CCDC88C: variants seen among roughly 807,000 people sequenced by gnomAD.
CCDC88C encodes the protein protein Daple.
A neutral mutation model predicts 198.8 loss-of-function variants in CCDC88C; 131 were observed. The observed-to-expected ratio is 0.66, with a 90% CI of 0.57 to 0.76. The LOEUF is 0.76. Among genes scored for constraint, CCDC88C ranks in the 30% least tolerant of loss-of-function variants. CCDC88C has a pLI of 0.00. For missense variants in CCDC88C, 2,553 were observed against 2,631.6 expected (o/e 0.97, Z 0.65); for synonymous variants, 1,166 against 1,114.7 (o/e 1.05, Z -0.92).
Position 91,313,821 on chromosome 14 carries a change from C to T in CCDC88C, c.1995G>A (p.Glu665=), listed in dbSNP as rs1032319323. 19 of 1,604,208 alleles carry T rather than the reference C, an allele frequency of 1.2e-5. No homozygotes were observed. The highest frequency in any genetic ancestry group is 1.6e-5 in the Non-Finnish European group (19 of 1,177,526). Residue 665 remains glutamate, a synonymous_variant, in exon 15 of 30, where the codon GAG becomes GAA. Transcript: ENST00000389857. This position sits in a 1 kb window ranked among gnomAD's most constrained non-coding sequence, Gnocchi z 5.2. Reference sequence around the variant, plus strand: ...CCAGCTGCAGGCCCTGGCTCTCATGCTCCAGGGCCTCGACTTTCTCGGTGG... The same window carrying T: ...CCAGCTGCAGGCCCTGGCTCTCATGTTCCAGGGCCTCGACTTTCTCGGTGG... ...ETATEKVEAL[E]HESQGLQLEN... is the part of the protein sequence containing the mutation.
rs772081843 is a variant in CCDC88C, at chr14:91,358,115, C to A, written c.340+1527G>T. ...CTGGAGCCCAGAAAGAGCGCCCCCACGGAACAAGGAAGCCGCTGCTGATGT... is the reference window on the plus strand; with the variant it reads ...CTGGAGCCCAGAAAGAGCGCCCCCAAGGAACAAGGAAGCCGCTGCTGATGT... On this transcript the variant is annotated intron_variant, in intron 4 of 29. Coordinates refer to ENST00000389857, the MANE Select transcript of CCDC88C (RefSeq NM_001080414.4). Among the ~76,000 whole-genome samples, 129 of 152,292 alleles carry A rather than the reference C, an allele frequency of 8.5e-4. 1 individual carries two copies. Among genetic ancestry groups the A allele is most frequent in the Admixed American group, 1.6e-3 (25 of 15,296 alleles).
At chr14:91,351,373 C>G (rs1893784554) in intron 4 of CCDC88C, among the ~76,000 whole-genome samples, 1 of 152,116 alleles carries the variant, frequency 6.6e-6, no homozygotes, top group Admixed American at 6.5e-5. Context: ...AACACTCACT[C>G]ACATGGGCAC....
intron 27 of CCDC88C, 68 bp downstream of exon 27, chr14:91,281,389 G>T: frequency 6.2e-7 from 1 of 1,610,960 alleles, no homozygotes; most frequent in Non-Finnish European, 8.5e-7. Context: ...CAGCTTAAAG[G>T]AAAGGTACCG....
intron 3 of CCDC88C, among the ~76,000 whole-genome samples, chr14:91,398,857 C>T (rs188399126): frequency 2.6e-3 from 403 of 152,228 alleles, no homozygotes; most frequent in Non-Finnish European, 2.8e-3. Context: ...GCCCTGGGGG[C>T]GCACAGGTCT....
chr14:91,406,805 A>C (rs1327048775), intron 3 of CCDC88C, among the ~76,000 whole-genome samples: 1 of 152,144 alleles, frequency 6.6e-6, no homozygotes, highest in East Asian at 1.9e-4. Context: ...GTCGCGAGGG[A>C]GACGCCAGCA....
chr14:91,273,007 G>C lies in CCDC88C; in HGVS notation c.5705C>G (p.Ser1902Cys). 6.4e-7 allele frequency: 1 copy of C among 1,553,472 alleles called. No homozygotes were observed. The stretch of plus-strand genomic sequence containing the variant: ...AGTGGCAATGGCGGGGGCTGTGGCA[G>C]ACTGATGCAGGGGGGCCAGCCTCTC... The part of the protein sequence containing the change: ...KEERLAPLHQ[S>C]ATAPAIATAG... The change falls in exon 30 of 30, where the codon TCT (serine) becomes TGT (cysteine). Residue 1902 changes from serine to cysteine, a missense_variant. Ser to Cys is a moderately radical substitution (Grantham distance 112). Coordinates refer to ENST00000389857, the MANE Select transcript of CCDC88C (RefSeq NM_001080414.4). The surrounding 1 kb of genome is among the most constrained non-coding windows in gnomAD (Gnocchi z 5.6).
chr14:91,290,270 T>TCAAAA lies in CCDC88C; in HGVS notation c.4202+720_4202+724dup, dbSNP rs572336256. ...CTGGATGTCACAGCGAGACTCCGTCTCAAAACAAAACAAAACAAAACAAAA... is the reference window on the plus strand; with the variant it reads ...CTGGATGTCACAGCGAGACTCCGTCTCAAAACAAAACAAAACAAAACAAAACAAAA... On this transcript the variant is annotated intron_variant, in intron 24 of 29. Coordinates refer to ENST00000389857, the MANE Select transcript of CCDC88C (RefSeq NM_001080414.4). Among the ~76,000 whole-genome samples the TCAAAA allele has an allele frequency of 2.2e-3, 332 of 152,262 alleles. 1 individual carries two copies. The highest frequency in any genetic ancestry group is 6.8e-3 in the Middle Eastern group (2 of 294).
chr14:91,287,806 G>C (rs1890480037), intron 25 of CCDC88C, among the ~76,000 whole-genome samples: 1 of 152,030 alleles, frequency 6.6e-6, no homozygotes, highest in Admixed American at 6.6e-5. Flanking sequence ...GCATAGGCTG[G>C]GTCTTCAGAA....
intron 3 of CCDC88C, among the ~76,000 whole-genome samples, chr14:91,390,911 A>C (rs1336410351): frequency 6.6e-6 from 1 of 152,166 alleles, no homozygotes; most frequent in Non-Finnish European, 1.5e-5. Flanking sequence ...CCTTGTTTTA[A>C]GGTCTTGGGC....
At chr14:91,306,910 G>C in intron 18 of CCDC88C, 128 bp downstream of exon 18, 1 of 1,010,918 alleles carries the variant, frequency 9.9e-7, no homozygotes, top group Non-Finnish European at 1.4e-6. Flanking sequence ...AACTCAAGAC[G>C]TGTCCAACTA....
chr14:91,297,228 C>T, intron 22 of CCDC88C, 77 bp downstream of exon 22: 1 of 1,450,994 alleles, frequency 6.9e-7, no homozygotes, highest in Non-Finnish European at 9.4e-7. Flanking sequence ...GGACCCCTCA[C>T]AGCTTGGCTG....
rs747903318 is a variant in CCDC88C at position 91,321,200 on chromosome 14, G to A, written c.1447C>T (p.Arg483Trp). 5.6e-6 allele frequency: 9 copies of A among 1,611,590 alleles called. No individual in the cohort carries two copies. The highest frequency in any genetic ancestry group is 4.4e-5 in the South Asian group (4 of 90,382). ...TCCTCCAACACCAGGGACGCGTCCC[G>A]CAGCCCCTGGATGGTGCTCTGGAGG... ...QSLQSTIQGL[R>W]DASLVLEESG... Residue 483 changes from arginine (R) to tryptophan (W), a missense_variant, in exon 13 of 30, where the codon CGG becomes TGG. Transcript: ENST00000389857.
At chr14:91,303,182 G>A (rs1891382639) in intron 20 of CCDC88C, among the ~76,000 whole-genome samples, 1 of 151,748 alleles carries the variant, frequency 6.6e-6, no homozygotes, top group South Asian at 2.1e-4. Flanking sequence ...CCCCGCTGCA[G>A]GCCTACCCAG....
chr14:91,385,049 T>C (rs756013758), intron 3 of CCDC88C, among the ~76,000 whole-genome samples: 1 of 152,196 alleles, frequency 6.6e-6, no homozygotes, highest in Non-Finnish European at 1.5e-5. Context: ...ATGAGCCACA[T>C]GGTGAGACCG....
chr14:91,318,348 C>T (rs1892197573), intron 13 of CCDC88C, among the ~76,000 whole-genome samples: 1 of 152,020 alleles, frequency 6.6e-6, no homozygotes, highest in African/African-American at 2.4e-5. Context: ...CTCTGGAGGT[C>T]AAATCTGCAG....
Position 91,338,198 on chromosome 14 carries a change from A to C in CCDC88C, c.892-35T>G. 1 of 1,608,426 alleles carries C rather than the reference A, an allele frequency of 6.2e-7. No individual in the cohort carries two copies. The highest frequency in any genetic ancestry group is 1.1e-5 in the South Asian group (1 of 90,814). On this transcript the variant is annotated intron_variant, in intron 9 of 29. Coordinates refer to ENST00000389857, the MANE Select transcript of CCDC88C (RefSeq NM_001080414.4). This position sits in a 1 kb window ranked among gnomAD's most constrained non-coding sequence, Gnocchi z 4.8. ...GGACAAAGGCAGGAGAACCTAGCTTAGGGCATCCTCTAGGAAGGGCAGAAA... is the reference window on the plus strand; with the variant it reads ...GGACAAAGGCAGGAGAACCTAGCTTCGGGCATCCTCTAGGAAGGGCAGAAA...
chr14:91,389,848 G>A (rs528205383), intron 3 of CCDC88C, among the ~76,000 whole-genome samples: 5 of 152,006 alleles, frequency 3.3e-5, no homozygotes, highest in South Asian at 4.1e-4. Context: ...CGAGGCGGGC[G>A]GATCACAAGG....
At chr14:91,414,954 C>T (rs1011916676) in intron 2 of CCDC88C, among the ~76,000 whole-genome samples, 1 of 152,212 alleles carries the variant, frequency 6.6e-6, no homozygotes, top group African/African-American at 2.4e-5. Flanking sequence ...GTCCAACAGG[C>T]TTTCCTGATT....
intron 22 of CCDC88C, among the ~76,000 whole-genome samples, chr14:91,295,958 G>C (rs1256719294): frequency 6.6e-6 from 1 of 152,232 alleles, no homozygotes; most frequent in East Asian, 1.9e-4. Flanking sequence ...AGCCCGCACA[G>C]AGAAAAAGAG....
Sources: allele counts gnomAD v4.1 joint callset (sites outside exome capture counted in the v4.1 genomes callset), GRCh38; gene constraint gnomAD v4.1.1; non-coding constraint Gnocchi (gnomAD v3.1); transcripts MANE v1.5; gene names NCBI Gene and HGNC (gene_info 2026-07-23, HGNC 2026-07-21).